Variants in EDA observed in about 807,000 individuals in gnomAD.
EDA encodes the protein ectodysplasin-A.
A neutral mutation model predicts 23.6 loss-of-function variants in EDA; 2 were observed. The observed-to-expected ratio is 0.08, with a 90% CI of 0.03 to 0.27. The LOEUF (loss-of-function observed/expected upper bound fraction) is 0.27. Among genes scored for constraint, EDA ranks in the 10% least tolerant of loss-of-function variants. The probability of loss-of-function intolerance (pLI) is 1.00; values close to 1 mark genes in which losing one functional copy is unlikely to be tolerated. For missense variants in EDA, 229 were observed against 324.2 expected (o/e 0.71, Z 2.26); for synonymous variants, 131 against 132.0 (o/e 0.99, Z 0.05).
At chrX:69,715,294 G>A (rs898920639) in intron 1 of EDA, among the ~76,000 whole-genome samples, 5 of 109,777 alleles carry the variant, frequency 4.6e-5, no homozygotes, top group Admixed American at 9.8e-5. Flanking sequence ...CTTTGTGTCC[G>A]TGTGTTCTCA....
intron 1 of EDA, chrX:69,617,006 GC>G: frequency 2.4e-6 from 1 of 420,855 alleles, no homozygotes; most frequent in African/African-American, 2.5e-5. Flanking sequence ...TGCCTGCGCT[GC>G]CCCCCGGCCG....
Position 69,726,698 on chromosome X carries a change from A to G in EDA, c.396+109994A>G, listed in dbSNP as rs1213188745. ...CTGGAAAGTCCAAGATCAAGGTTCT[A>G]GAAGATTTGGAGTCTGGTGAAGGTG... On this transcript the variant is annotated intron_variant, in intron 1 of 7. Coordinates refer to ENST00000374552, the MANE Select transcript of EDA (RefSeq NM_001399.5). Among the ~76,000 whole-genome samples, 3 of 112,232 alleles carry G rather than the reference A, an allele frequency of 2.7e-5. No individual in the cohort carries two copies. In the Admixed American group the frequency reaches 2.8e-4, roughly 11 times the overall value.
At chrX:69,826,247 A>G (rs940943711) in intron 1 of EDA, among the ~76,000 whole-genome samples, 2 of 110,921 alleles carry the variant, frequency 1.8e-5, no homozygotes, top group African/African-American at 6.6e-5. Flanking sequence ...CAAGTCCTGG[A>G]TATCCTTGTT....
chrX:69,645,879 G>T (rs6625494), intron 1 of EDA, among the ~76,000 whole-genome samples: 16,861 of 108,738 alleles, frequency 0.16, 1,048 homozygotes, highest in Non-Finnish European at 0.19. Context: ...CAGAGATTCT[G>T]GTACGTTGTC....
intron 1 of EDA, among the ~76,000 whole-genome samples, chrX:69,753,383 A>G (rs189774243): frequency 0.049 from 5,506 of 111,748 alleles, 327 homozygotes; most frequent in African/African-American, 0.17. Context: ...GTAGTTGAGC[A>G]GTTTTGAGTG....
chrX:69,818,364 G>A (rs1481703853), intron 1 of EDA, among the ~76,000 whole-genome samples: 4 of 111,026 alleles, frequency 3.6e-5, no homozygotes, highest in South Asian at 3.8e-4. Context: ...AAGAAATAAC[G>A]AAGATCAGAG....
At position 69,712,950 on chromosome X, in the gene EDA, A is replaced by G. The variant is rs187267416; in HGVS notation, c.396+96246A>G. Among the ~76,000 whole-genome samples, 988 of 109,212 alleles carry G rather than the reference A, an allele frequency of 9.0e-3. 22 individuals carry two copies. Among genetic ancestry groups the G allele is most frequent in the Admixed American group, 0.064 (652 of 10,160 alleles). The allele number at this position is 109,212 out of a possible 115,157, so 94.8% of individuals were successfully genotyped here. ...AGCTGGAAACCATCATTCTCAGCAA[A>G]CTATTGCAGGGACAAAAAAACCAAA... On this transcript the variant is annotated intron_variant, in intron 1 of 7. Transcript: ENST00000374552.
intron 1 of EDA, among the ~76,000 whole-genome samples, chrX:69,630,011 C>T (rs1932513322): frequency 9.0e-6 from 1 of 111,394 alleles, no homozygotes; most frequent in Admixed American, 9.6e-5. Context: ...GTATTTTTAA[C>T]AGTAACTCAT....
intron 1 of EDA, among the ~76,000 whole-genome samples, chrX:69,886,523 C>T (rs199764130): frequency 9.4e-6 from 1 of 106,489 alleles, no homozygotes; most frequent in South Asian, 3.8e-4. Context: ...CTGCAGACTA[C>T]AGTAGTACTG....
chrX:69,878,623 G>A (rs2017685672), intron 1 of EDA, among the ~76,000 whole-genome samples: 1 of 110,495 alleles, frequency 9.1e-6, no homozygotes, highest in African/African-American at 3.3e-5. Flanking sequence ...TATTAGGAAG[G>A]ACTGTTCTGC....
At chrX:69,617,337 C>T (rs749684708) in intron 1 of EDA, 29 of 136,681 alleles carry the variant, frequency 2.1e-4, no homozygotes, top group Admixed American at 9.0e-4. Context: ...AACTTCTGAA[C>T]AGCAATTTTA....
At chrX:69,945,888 C>T (rs1488247840) in intron 1 of EDA, among the ~76,000 whole-genome samples, 1 of 111,932 alleles carries the variant, frequency 8.9e-6, no homozygotes, top group East Asian at 2.8e-4. Context: ...CTCAGTTTTA[C>T]AGCCACTGAA....
intron 2 of EDA, among the ~76,000 whole-genome samples, chrX:69,961,746 A>T (rs1191321329): frequency 8.9e-6 from 1 of 112,509 alleles, no homozygotes; most frequent in East Asian, 2.8e-4. Context: ...TGAGTTGGCC[A>T]GAAGTATTTC....
At chrX:69,807,571 G>A (rs1270577556) in intron 1 of EDA, among the ~76,000 whole-genome samples, 1 of 107,278 alleles carries the variant, frequency 9.3e-6, no homozygotes, top group Non-Finnish European at 1.9e-5. Context: ...TTCATCCAGA[G>A]TAATCTAAAG....
chrX:69,627,309 T>C (rs1419331855), intron 1 of EDA, among the ~76,000 whole-genome samples: 1 of 111,309 alleles, frequency 9.0e-6, no homozygotes. Flanking sequence ...CCTCCCTGCC[T>C]CTCTCTCTGC....
At chrX:69,648,977 A>C (rs1035516842) in intron 1 of EDA, among the ~76,000 whole-genome samples, 1 of 111,210 alleles carries the variant, frequency 9.0e-6, no homozygotes, top group Non-Finnish European at 1.9e-5. Flanking sequence ...ACAATCACTC[A>C]CAGCTTCCCT....
chrX:69,796,262 C>T (rs1159363944), intron 1 of EDA, among the ~76,000 whole-genome samples: 1 of 108,550 alleles, frequency 9.2e-6, no homozygotes, highest in Admixed American at 9.9e-5. Context: ...AGTAAGTCAT[C>T]TGGAGACCCA....
intron 1 of EDA, among the ~76,000 whole-genome samples, chrX:69,763,094 G>A (rs1041924546): frequency 1.8e-5 from 2 of 112,096 alleles, no homozygotes; most frequent in Non-Finnish European, 3.8e-5. Context: ...GCTCATGATT[G>A]GATATAAGAT....
At chrX:69,910,040 C>A (rs1387151780) in intron 1 of EDA, among the ~76,000 whole-genome samples, 1 of 111,867 alleles carries the variant, frequency 8.9e-6, no homozygotes, top group Non-Finnish European at 1.9e-5. Flanking sequence ...TGTTGCATAT[C>A]TCTTTTAAGT....
Sources: allele counts gnomAD v4.1 joint callset (sites outside exome capture counted in the v4.1 genomes callset), GRCh38; gene constraint gnomAD v4.1.1; transcripts MANE v1.5; gene names NCBI Gene and HGNC (gene_info 2026-07-23, HGNC 2026-07-21).